The following CDH13 variants were observed in gnomAD, a reference collection of about 807,000 sequenced individuals.
The protein encoded by CDH13 is cadherin 13, also known as cadherin-13.
Under a neutral mutation model 63.8 loss-of-function variants are expected in CDH13, and 24 were observed. The observed-to-expected ratio is 0.38, with a 90% CI of 0.27 to 0.53. The LOEUF (loss-of-function observed/expected upper bound fraction) is 0.53. CDH13 is among the 20% of genes least tolerant of loss of function. The pLI is 0.85. For missense variants in CDH13, 1,049 were observed against 903.1 expected (o/e 1.16, Z -2.07); for synonymous variants, 503 against 355.3 (o/e 1.42, Z -4.67).
At chr16:82,864,042 G>C (rs1020914162) in intron 2 of CDH13, among the ~76,000 whole-genome samples, 2 of 152,204 alleles carry the variant, frequency 1.3e-5, no homozygotes, top group African/African-American at 4.8e-5. Context: ...ACTAGTTACA[G>C]AAGAAAAGTC....
intron 6 of CDH13, among the ~76,000 whole-genome samples, chr16:83,448,558 T>A (rs1402116118): frequency 6.6e-6 from 1 of 152,162 alleles, no homozygotes; most frequent in East Asian, 1.9e-4. Context: ...GCATTGAGTA[T>A]CTTTGGTTTA....
intron 5 of CDH13, among the ~76,000 whole-genome samples, chr16:83,323,235 TTTCTTTCC>T (rs2090279258): frequency 6.4e-5 from 9 of 140,860 alleles, no homozygotes; most frequent in African/African-American, 1.6e-4. Flanking sequence ...TCTTTCTTTC[TTTCTTTCC>T]TTCCTTCCTT....
Position 83,795,148 on chromosome 16 carries a change from T to G in CDH13, c.*118T>G. The G allele has an allele frequency of 1.3e-6, 1 of 771,676 alleles. No homozygotes were observed. The highest frequency in any genetic ancestry group is 2.1e-6 in the Non-Finnish European group (1 of 477,826). The allele number at this position is 771,676 out of a possible 1,614,324, so 47.8% of individuals were successfully genotyped here. ...ATCGAACTTCACAACTAGGCCTCAATTGTTCCGGTTTTTTATTTTCTTTAC... is the reference window on the plus strand; with the variant it reads ...ATCGAACTTCACAACTAGGCCTCAAGTGTTCCGGTTTTTTATTTTCTTTAC... On this transcript the variant is annotated 3_prime_UTR_variant, in exon 14 of 14. Coordinates refer to ENST00000567109, the MANE Select transcript of CDH13 (RefSeq NM_001257.5).
At chr16:82,963,302 C>G (rs566557011) in intron 2 of CDH13, among the ~76,000 whole-genome samples, 4 of 152,282 alleles carry the variant, frequency 2.6e-5, no homozygotes, top group Admixed American at 2.6e-4. Flanking sequence ...TCGCTTGAAC[C>G]TGAGAGGCAG....
chr16:83,364,065 A>G (rs923832778), intron 6 of CDH13, among the ~76,000 whole-genome samples: 1 of 152,184 alleles, frequency 6.6e-6, no homozygotes, highest in South Asian at 2.1e-4. Flanking sequence ...TCAAAGAATA[A>G]AATGTTTACC....
At chr16:82,751,810 CT>C (rs1365407983) in intron 1 of CDH13, among the ~76,000 whole-genome samples, 1 of 152,112 alleles carries the variant, frequency 6.6e-6, no homozygotes. Context: ...TACATACAGC[CT>C]TTAGTTTATC....
chr16:83,409,476 G>C lies in CDH13; in HGVS notation c.781+64470G>C, dbSNP rs559958161. ...ATCAGCAGAGCCTGCTCCAAGAATGGTTAAGGGTTTGGTTTGGGACATGTA... is the reference window on the plus strand; with the variant it reads ...ATCAGCAGAGCCTGCTCCAAGAATGCTTAAGGGTTTGGTTTGGGACATGTA... On this transcript the variant is annotated intron_variant, in intron 6 of 13. Coordinates refer to ENST00000567109, the MANE Select transcript of CDH13 (RefSeq NM_001257.5). 3.9e-5 allele frequency among the ~76,000 whole-genome samples: 6 copies of C among 152,338 alleles called. No homozygotes were observed. In the South Asian group the frequency reaches 1.2e-3, roughly 32 times the overall value.
intron 7 of CDH13, among the ~76,000 whole-genome samples, chr16:83,501,797 G>C (rs762578985): frequency 6.6e-6 from 1 of 152,218 alleles, no homozygotes; most frequent in Admixed American, 6.5e-5. Flanking sequence ...AAATCTGACA[G>C]ATGTCTCAAG....
chr16:83,522,087 T>TC (rs1206476227), intron 7 of CDH13, among the ~76,000 whole-genome samples: 1 of 152,178 alleles, frequency 6.6e-6, no homozygotes. Flanking sequence ...AATCCAGTTC[T>TC]CCCCTGCTGC....
At position 82,965,537 on chromosome 16, in the gene CDH13, A is replaced by T. The variant is rs577115804; in HGVS notation, c.158-66473A>T. The stretch of plus-strand genomic sequence containing the variant: ...AGTGAATTTATTTATTCATTTATTT[A>T]TTCATTTATTTTGAGATGCAGTCTC... On this transcript the variant is annotated intron_variant, in intron 2 of 13. Transcript: ENST00000567109. 2.7e-3 allele frequency among the ~76,000 whole-genome samples: 405 copies of T among 152,240 alleles called. 2 individuals carry two copies. Among genetic ancestry groups the T allele is most frequent in the Non-Finnish European group, 4.0e-3 (269 of 68,004 alleles).
chr16:83,539,395 T>G (rs2075258133), intron 7 of CDH13, among the ~76,000 whole-genome samples: 1 of 152,196 alleles, frequency 6.6e-6, no homozygotes. Context: ...CCTCCTGCTG[T>G]GCGACTCGGT....
intron 5 of CDH13, among the ~76,000 whole-genome samples, chr16:83,292,807 A>G (rs977896195): frequency 1.6e-4 from 25 of 152,228 alleles, no homozygotes; most frequent in Non-Finnish European, 3.1e-4. Context: ...TTAGCTTGAT[A>G]GTGCTCTGTT....
intron 5 of CDH13, among the ~76,000 whole-genome samples, chr16:83,325,063 C>G (rs947368039): frequency 3.9e-5 from 6 of 152,202 alleles, no homozygotes; most frequent in Non-Finnish European, 7.3e-5. Flanking sequence ...TTCCATCAGA[C>G]AGACCTTCTC....
chr16:83,362,209 A>C (rs2151386923), intron 6 of CDH13, among the ~76,000 whole-genome samples: 1 of 152,312 alleles, frequency 6.6e-6, no homozygotes, highest in South Asian at 2.1e-4. Context: ...GATTCAAGTT[A>C]CATACCCCTT....
intron 5 of CDH13, among the ~76,000 whole-genome samples, chr16:83,272,358 A>G (rs2088850774): frequency 6.6e-6 from 1 of 152,348 alleles, no homozygotes; most frequent in East Asian, 1.9e-4. Context: ...AGCATCCCTG[A>G]GTAATGTGAG....
chr16:82,891,368 T>C (rs1048132262), intron 2 of CDH13, among the ~76,000 whole-genome samples: 1 of 152,230 alleles, frequency 6.6e-6, no homozygotes, highest in Non-Finnish European at 1.5e-5. Flanking sequence ...TTTAAATTTC[T>C]GTTCTGGAGT....
chr16:83,713,503 C>T (rs1369891560), intron 10 of CDH13, among the ~76,000 whole-genome samples: 2 of 146,950 alleles, frequency 1.4e-5, no homozygotes, highest in Non-Finnish European at 3.0e-5. Context: ...CAACTTTTCT[C>T]GTCACCAAAA....
At chr16:83,407,040 T>G (rs1331918764) in intron 6 of CDH13, among the ~76,000 whole-genome samples, 1 of 152,218 alleles carries the variant, frequency 6.6e-6, no homozygotes, top group Non-Finnish European at 1.5e-5. Flanking sequence ...CTAAAATTGG[T>G]CTTGGCCTTC....
chr16:83,337,426 A>C (rs1444520221), intron 5 of CDH13, among the ~76,000 whole-genome samples: 1 of 152,102 alleles, frequency 6.6e-6, no homozygotes, highest in East Asian at 1.9e-4. Context: ...CTCAGGACTC[A>C]GAAGATCAGG....
Sources: allele counts gnomAD v4.1 joint callset (sites outside exome capture counted in the v4.1 genomes callset), GRCh38; gene constraint gnomAD v4.1.1; transcripts MANE v1.5; gene names NCBI Gene and HGNC (gene_info 2026-07-23, HGNC 2026-07-21).